The following BMP5 variants were observed in gnomAD, a reference collection of about 807,000 sequenced individuals.
The protein encoded by BMP5 is bone morphogenetic protein 5.
Under a neutral mutation model 46.6 loss-of-function variants are expected in BMP5, and 23 were observed. That is an observed-to-expected ratio of 0.49 (90% CI 0.35 to 0.70). The LOEUF (loss-of-function observed/expected upper bound fraction) is 0.70, where lower values mean the gene tolerates loss of function less well. Ranked by LOEUF, BMP5 falls within the 30% of genes least tolerant of loss-of-function variation. BMP5 has a pLI of 0.00. For missense variants in BMP5, 545 were observed against 565.6 expected (o/e 0.96, Z 0.37); for synonymous variants, 204 against 191.9 (o/e 1.06, Z -0.52).
At chr6:55,790,417 A>C (rs1292800416) in intron 3 of BMP5, among the ~76,000 whole-genome samples, 1 of 152,186 alleles carries the variant, frequency 6.6e-6, no homozygotes, top group African/African-American at 2.4e-5. Flanking sequence ...ATTCATTCAA[A>C]CCTGTAATCA....
rs147632205 is a variant in BMP5, at chr6:55,867,230, G to A, written c.490+7146C>T. ...TGTATCCCCCCCGCTGAGTATCTAA[G>A]GATTAGATGCATGGCATCTTTCTCC... On this transcript the variant is annotated intron_variant, in intron 1 of 6. Transcript: ENST00000370830. 6.7e-3 allele frequency among the ~76,000 whole-genome samples: 1,018 copies of A among 152,122 alleles called. 6 individuals carry two copies. Among genetic ancestry groups the A allele is most frequent in the African/African-American group, 0.022 (899 of 41,504 alleles).
intron 2 of BMP5, among the ~76,000 whole-genome samples, chr6:55,807,616 A>T (rs1358680800): frequency 6.6e-6 from 1 of 152,190 alleles, no homozygotes; most frequent in East Asian, 1.9e-4. Flanking sequence ...AATTGTTTGA[A>T]ATAGTAGCTA....
chr6:55,855,139 C>T (rs1043186346), intron 1 of BMP5, among the ~76,000 whole-genome samples: 3 of 152,152 alleles, frequency 2.0e-5, no homozygotes, highest in Non-Finnish European at 2.9e-5. Context: ...TGGGACATCT[C>T]GATAAGATTT....
rs569090588 is a variant in BMP5 at position 55,754,327 on chromosome 6, C to A, written c.*1206G>T. The A allele has an allele frequency of 1.4e-5, 2 of 147,674 alleles. No homozygotes were observed. Among genetic ancestry groups the A allele is most frequent in the Non-Finnish European group, 3.0e-5 (2 of 66,688 alleles). The allele number at this position is 147,674 out of a possible 1,614,324, so 9.1% of individuals were successfully genotyped here. ...AAGAACACACATGCACACACAGACA[C>A]ACACACACACACACACACAACAGAA... On this transcript the variant is annotated 3_prime_UTR_variant, in exon 7 of 7. Transcript: ENST00000370830.
intron 3 of BMP5, among the ~76,000 whole-genome samples, chr6:55,775,370 C>T (rs1291055945): frequency 6.6e-6 from 1 of 151,646 alleles, no homozygotes; most frequent in Non-Finnish European, 1.5e-5. Context: ...TTATTAGGCT[C>T]TTCTAATTTA....
At chr6:55,835,471 A>G (rs77559814) in intron 1 of BMP5, among the ~76,000 whole-genome samples, 6,184 of 152,246 alleles carry the variant, frequency 0.041, 182 homozygotes, top group Non-Finnish European at 0.064. Flanking sequence ...TTGCAAATCA[A>G]CTCAAACTGC....
intron 3 of BMP5, among the ~76,000 whole-genome samples, chr6:55,786,737 T>C (rs1383412159): frequency 6.6e-6 from 1 of 151,632 alleles, no homozygotes; most frequent in Non-Finnish European, 1.5e-5. Context: ...TAAGTGTATA[T>C]CTTCTTTTTT....
intron 1 of BMP5, among the ~76,000 whole-genome samples, chr6:55,850,656 G>C (rs1404690127): frequency 6.6e-6 from 1 of 152,128 alleles, no homozygotes; most frequent in Non-Finnish European, 1.5e-5. Flanking sequence ...AGCATTCACA[G>C]TAATGCTTAT....
chr6:55,772,408 C>G lies in BMP5; in HGVS notation c.1027+1641G>C, dbSNP rs543394336. Among the ~76,000 whole-genome samples, 16 of 151,960 alleles carry G rather than the reference C, an allele frequency of 1.1e-4. No homozygotes were observed. In the East Asian group the frequency reaches 2.9e-3, roughly 28 times the overall value. On this transcript the variant is annotated intron_variant, in intron 4 of 6. Coordinates refer to ENST00000370830, the MANE Select transcript of BMP5 (RefSeq NM_021073.4). Reference sequence around the variant, plus strand: ...ATAAGTATGTGACTTATACTTTTCCCTTTGTAATTTCCTCCAAAATTATTT... The same window carrying G: ...ATAAGTATGTGACTTATACTTTTCCGTTTGTAATTTCCTCCAAAATTATTT...
At chr6:55,780,166 A>G (rs1775273655) in intron 3 of BMP5, among the ~76,000 whole-genome samples, 2 of 151,890 alleles carry the variant, frequency 1.3e-5, no homozygotes, top group Admixed American at 6.6e-5. Context: ...GGAAGGGACA[A>G]ATGTAATAAT....
At chr6:55,757,516 G>A (rs572207515) in intron 6 of BMP5, among the ~76,000 whole-genome samples, 1 of 152,002 alleles carries the variant, frequency 6.6e-6, no homozygotes, top group South Asian at 2.1e-4. Flanking sequence ...AATTCTTTTA[G>A]TGGTAGAAGT....
chr6:55,791,705 G>A (rs554636346), intron 3 of BMP5, among the ~76,000 whole-genome samples: 1 of 152,036 alleles, frequency 6.6e-6, no homozygotes, highest in South Asian at 2.1e-4. Context: ...AGATAAGAGT[G>A]GGGGAAAAAA....
At chr6:55,762,992 G>A (rs933700949) in intron 4 of BMP5, among the ~76,000 whole-genome samples, 1 of 151,936 alleles carries the variant, frequency 6.6e-6, no homozygotes, top group Non-Finnish European at 1.5e-5. Flanking sequence ...CCCACATGCT[G>A]CAAAATATTG....
chr6:55,791,718 A>G (rs1436624780), intron 3 of BMP5, among the ~76,000 whole-genome samples: 2 of 152,134 alleles, frequency 1.3e-5, no homozygotes, highest in Non-Finnish European at 2.9e-5. Flanking sequence ...GGAAAAAACA[A>G]AAAGAGAAAC....
In BMP5 at chr6:55,834,628, TA is replaced by T. The variant is rs1462869861; in HGVS notation, c.491-14782del. Among the ~76,000 whole-genome samples, 10 of 152,294 alleles carry T rather than the reference TA, an allele frequency of 6.6e-5. No homozygotes were observed. In the East Asian group the frequency reaches 1.9e-3, roughly 29 times the overall value. On this transcript the variant is annotated intron_variant, in intron 1 of 6. Transcript: ENST00000370830. Reference sequence around the variant, plus strand: ...CTTTTTCATATGGCAGATACTATACTAGCTGTCAAGGGAATACACGCCATCC... The same window carrying T: ...CTTTTTCATATGGCAGATACTATACTGCTGTCAAGGGAATACACGCCATCC...
At chr6:55,783,885 C>A (rs1410095411) in intron 3 of BMP5, among the ~76,000 whole-genome samples, 1 of 151,902 alleles carries the variant, frequency 6.6e-6, no homozygotes, top group African/African-American at 2.4e-5. Flanking sequence ...TTCTGAACCC[C>A]TTTTCATTAA....
At chr6:55,762,530 G>A (rs1296608491) in intron 4 of BMP5, among the ~76,000 whole-genome samples, 1 of 152,086 alleles carries the variant, frequency 6.6e-6, no homozygotes, top group Non-Finnish European at 1.5e-5. Flanking sequence ...ATGGGAAATG[G>A]GGGAGAGAGG....
At chr6:55,805,547 A>G (rs1775967530) in intron 2 of BMP5, among the ~76,000 whole-genome samples, 1 of 152,030 alleles carries the variant, frequency 6.6e-6, no homozygotes, top group Admixed American at 6.6e-5. Context: ...TTTGCTTTAT[A>G]GCAGAATGAT....
At chr6:55,807,007 A>T (rs758073257) in intron 2 of BMP5, among the ~76,000 whole-genome samples, 4 of 152,220 alleles carry the variant, frequency 2.6e-5, no homozygotes, top group Non-Finnish European at 4.4e-5. Flanking sequence ...GAATCATGCC[A>T]TCTGCAAACA....
Sources: allele counts gnomAD v4.1 joint callset (sites outside exome capture counted in the v4.1 genomes callset), GRCh38; gene constraint gnomAD v4.1.1; transcripts MANE v1.5; gene names NCBI Gene and HGNC (gene_info 2026-07-23, HGNC 2026-07-21).